LCORL: variants seen among roughly 807,000 people sequenced by gnomAD.
LCORL encodes the protein ligand-dependent nuclear receptor corepressor-like protein.
In LCORL, 41 loss-of-function variants were observed where a neutral mutation model predicts 141.8. The ratio of observed to expected loss-of-function variants is 0.29; its 90% confidence interval spans 0.23 to 0.38. The LOEUF (loss-of-function observed/expected upper bound fraction) is 0.38. Among genes scored for constraint, LCORL ranks in the 10% least tolerant of loss-of-function variants. The pLI, the probability that LCORL is intolerant of heterozygous loss-of-function variation, is 1.00. For synonymous variants in LCORL, 618 were observed against 694.1 expected (o/e 0.89, Z 1.72); for missense variants, 1,759 against 2,035.0 (o/e 0.86, Z 2.61).
At chr4:17,981,993 T>C (rs1718071233) in intron 1 of LCORL, among the ~76,000 whole-genome samples, 1 of 152,082 alleles carries the variant, frequency 6.6e-6, no homozygotes, top group African/African-American at 2.4e-5. Flanking sequence ...TGGTATTTGA[T>C]TTTCTATTCC....
chr4:17,903,276 A>G (rs2109305463), intron 5 of LCORL, among the ~76,000 whole-genome samples: 1 of 152,192 alleles, frequency 6.6e-6, no homozygotes, highest in South Asian at 2.1e-4. Context: ...GTTTACTATA[A>G]TGAAAGTTCT....
chr4:17,938,421 T>C (rs1013032040), intron 4 of LCORL, among the ~76,000 whole-genome samples: 4 of 149,984 alleles, frequency 2.7e-5, no homozygotes, highest in Non-Finnish European at 3.0e-5. Flanking sequence ...TTCTTTCTTT[T>C]TTTTTTTTTT....
chr4:17,912,142 C>T (rs1342529957), intron 4 of LCORL: 5 of 991,836 alleles, frequency 5.0e-6, no homozygotes, highest in East Asian at 2.4e-5. Flanking sequence ...GGACAATGCC[C>T]GCATTGTTCT....
intron 5 of LCORL, among the ~76,000 whole-genome samples, chr4:17,888,588 C>T (rs1728633376): frequency 6.6e-6 from 1 of 152,126 alleles, no homozygotes; most frequent in Non-Finnish European, 1.5e-5. Flanking sequence ...CTTATTTTGT[C>T]TTCCTGCGTG....
rs1719874845 is a variant in LCORL at position 17,990,797 on chromosome 4, A to T, written c.155-17912T>A. Reference sequence around the variant, plus strand: ...GGACTGCACTGTCAGGGTTTAAAGTAAGGATGGGAGATTAAAAACTAGGTG... The same window carrying T: ...GGACTGCACTGTCAGGGTTTAAAGTTAGGATGGGAGATTAAAAACTAGGTG... On this transcript the variant is annotated intron_variant, in intron 1 of 7. Coordinates refer to ENST00000635767, the Ensembl canonical transcript of LCORL. 2.0e-5 allele frequency among the ~76,000 whole-genome samples: 3 copies of T among 152,068 alleles called. No individual in the cohort carries two copies. The South Asian group carries it at 6.2e-4, about 32-fold the overall frequency.
intron 5 of LCORL, among the ~76,000 whole-genome samples, chr4:17,891,548 T>TAA (rs1190760212): frequency 1.3e-5 from 2 of 152,174 alleles, no homozygotes; most frequent in Non-Finnish European, 1.5e-5. Context: ...TCCCTTCACT[T>TAA]GTTTGAGAAT....
chr4:17,914,088 T>C lies in LCORL; in HGVS notation c.431-4743A>G, dbSNP rs146704058. On this transcript the variant is annotated intron_variant, in intron 4 of 7. Transcript: ENST00000635767. ...TTTTTTAGTCCAAACTAGATTATATTAGCACATGTAACCTAACTAAAGTGC... is the reference window on the plus strand; with the variant it reads ...TTTTTTAGTCCAAACTAGATTATATCAGCACATGTAACCTAACTAAAGTGC... 2.4e-3 allele frequency among the ~76,000 whole-genome samples: 372 copies of C among 152,378 alleles called. 1 individual carries two copies. The highest frequency in any genetic ancestry group is 7.9e-3 in the African/African-American group (330 of 41,596).
chr4:17,903,249 T>C (rs1489520786), intron 5 of LCORL, among the ~76,000 whole-genome samples: 1 of 151,996 alleles, frequency 6.6e-6, no homozygotes, highest in East Asian at 1.9e-4. Context: ...ATGCAAACAA[T>C]TACAATGCAT....
In LCORL at chr4:17,875,133, G is replaced by A. The variant is rs181352281; in HGVS notation, c.3857C>T (p.Thr1286Met). ...TTCTTCAGGCAGATTTTTTCCTGAC[G>A]TATTATCCTGTTCTAAAGGAGGCAA... The change falls in exon 7 of 8, where the codon ACG becomes ATG. Residue 1286 changes from threonine (T) to methionine (M), a missense_variant. Transcript: ENST00000635767. 1.5e-4 allele frequency: 191 copies of A among 1,232,906 alleles called. 1 individual carries two copies. The highest frequency in any genetic ancestry group is 8.2e-5 in the South Asian group (2 of 24,372). 76.4% of individuals were successfully genotyped at this position (1,232,906 alleles called of 1,614,324 possible).
intron 4 of LCORL, chr4:17,912,697 G>C (rs1195446815): frequency 2.5e-6 from 1 of 392,766 alleles, no homozygotes; most frequent in African/African-American, 2.1e-5. Context: ...ATGCCCTGCA[G>C]ATGGAGTAGC....
chr4:17,877,908 A>C, exon 7 of LCORL: 1 of 1,230,710 alleles, frequency 8.1e-7, no homozygotes. Flanking sequence ...ACAGACTGGC[A>C]GAGGTTCTAA....
At chr4:17,881,209 C>A in intron 6 of LCORL, 1 of 981,558 alleles carries the variant, frequency 1.0e-6, no homozygotes, top group East Asian at 1.1e-4. Context: ...AAGTAGAAAG[C>A]ACATAAGGGT....
intron 1 of LCORL, among the ~76,000 whole-genome samples, chr4:18,011,638 C>T (rs1267864255): frequency 2.0e-5 from 3 of 152,150 alleles, no homozygotes; most frequent in African/African-American, 7.2e-5. Context: ...CCTGCTGTAT[C>T]CTTTATCCCA....
chr4:17,875,919 T>G (rs140588267), exon 7 of LCORL: 27 of 1,231,314 alleles, frequency 2.2e-5, no homozygotes, highest in Non-Finnish European at 1.8e-5. Flanking sequence ...ATCAGTATCA[T>G]AATGACTGGA....
At chr4:17,947,781 C>G (rs1739117392) in intron 4 of LCORL, among the ~76,000 whole-genome samples, 1 of 152,032 alleles carries the variant, frequency 6.6e-6, no homozygotes, top group East Asian at 1.9e-4. Flanking sequence ...AGAACAGATA[C>G]CCACGTGATA....
chr4:17,985,597 T>C (rs1198825567), intron 1 of LCORL, among the ~76,000 whole-genome samples: 2 of 152,184 alleles, frequency 1.3e-5, no homozygotes, highest in Non-Finnish European at 2.9e-5. Context: ...CCCTGGCTTT[T>C]TTCTCATTTC....
chr4:17,944,192 CAT>C lies in LCORL; in HGVS notation c.430+17709_430+17710del, dbSNP rs1302631771. 2.0e-5 allele frequency among the ~76,000 whole-genome samples: 3 copies of C among 152,130 alleles called. No homozygotes were observed. The East Asian group carries it at 5.8e-4, about 29-fold the overall frequency. On this transcript the variant is annotated intron_variant, in intron 4 of 7. Transcript: ENST00000635767. The stretch of plus-strand genomic sequence containing the variant: ...TCCCTATTACATTCTTTAGCAGATA[CAT>C]AGTCTTTTTAAGTAGGCTCATTGAT...
chr4:17,967,910 T>G (rs1715225930), intron 2 of LCORL, among the ~76,000 whole-genome samples: 1 of 151,686 alleles, frequency 6.6e-6, no homozygotes, highest in South Asian at 2.1e-4. Flanking sequence ...CAGGCTGGAG[T>G]GCAGTGACAC....
At chr4:17,991,790 C>T (rs1720055915) in intron 1 of LCORL, among the ~76,000 whole-genome samples, 1 of 152,092 alleles carries the variant, frequency 6.6e-6, no homozygotes, top group African/African-American at 2.4e-5. Context: ...TTCAAGCATG[C>T]CCTCCTTAAA....
Sources: allele counts gnomAD v4.1 joint callset (sites outside exome capture counted in the v4.1 genomes callset), GRCh38; gene constraint gnomAD v4.1.1; transcripts MANE v1.5; gene names NCBI Gene and HGNC (gene_info 2026-07-23, HGNC 2026-07-21).